FRMPD4: variants seen among roughly 807,000 people sequenced by gnomAD.
FRMPD4 encodes the protein FERM and PDZ domain-containing protein 4.
Under a neutral mutation model 94.1 loss-of-function variants are expected in FRMPD4, and 22 were observed. The observed-to-expected ratio is 0.23, with a 90% CI of 0.17 to 0.33. The LOEUF (loss-of-function observed/expected upper bound fraction) is 0.33. Among genes scored for constraint, FRMPD4 ranks in the 10% least tolerant of loss-of-function variants. The pLI is 1.00. For synonymous variants in FRMPD4, 631 were observed against 548.6 expected (o/e 1.15, Z -2.10); for missense variants, 1,111 against 1,339.9 (o/e 0.83, Z 2.67).
chrX:12,437,776 T>C (rs980063375), intron 1 of FRMPD4, among the ~76,000 whole-genome samples: 24 of 112,493 alleles, frequency 2.1e-4, no homozygotes, highest in African/African-American at 7.4e-4. Flanking sequence ...GAGGTTTTGC[T>C]ATGAAGTAGC....
At chrX:12,140,197 A>G (rs752562772) in intron 1 of FRMPD4, among the ~76,000 whole-genome samples, 4 of 112,121 alleles carry the variant, frequency 3.6e-5, no homozygotes, top group Admixed American at 1.9e-4. Context: ...TTCTACTAAC[A>G]TGGGTCAGTC....
chrX:12,453,444 TTA>T (rs1438803159), intron 1 of FRMPD4, among the ~76,000 whole-genome samples: 1 of 111,937 alleles, frequency 8.9e-6, no homozygotes, highest in African/African-American at 3.2e-5. Flanking sequence ...AGGAAAAAAA[TTA>T]TGTCTTCTTA....
intron 1 of FRMPD4, among the ~76,000 whole-genome samples, chrX:12,456,251 TTCTC>T (rs1272434566): frequency 4.5e-5 from 5 of 111,741 alleles, no homozygotes; most frequent in South Asian, 3.8e-4. Flanking sequence ...CTCCATCTCT[TTCTC>T]TCTCTCTTCT....
intron 1 of FRMPD4, among the ~76,000 whole-genome samples, chrX:12,179,664 G>A (rs2056335465): frequency 9.0e-6 from 1 of 111,620 alleles, no homozygotes; most frequent in Non-Finnish European, 1.9e-5. Flanking sequence ...ACACCAACGC[G>A]TGCAGAATGC....
intron 1 of FRMPD4, among the ~76,000 whole-genome samples, chrX:12,446,585 T>C (rs2057197842): frequency 1.3e-5 from 1 of 78,889 alleles, no homozygotes; most frequent in Admixed American, 1.4e-4. Context: ...CTCCTACACT[T>C]CTCTTGTGGT....
At chrX:12,510,051 CAAT>C (rs1254815757) in intron 2 of FRMPD4, among the ~76,000 whole-genome samples, 1 of 111,848 alleles carries the variant, frequency 8.9e-6, no homozygotes, top group Non-Finnish European at 1.9e-5. Context: ...CATTATACAA[CAAT>C]GTGTTTGGAC....
At chrX:12,242,345 T>TA (rs918098527) in intron 1 of FRMPD4, among the ~76,000 whole-genome samples, 57 of 107,445 alleles carry the variant, frequency 5.3e-4, no homozygotes, top group African/African-American at 8.4e-4. Flanking sequence ...TGACCTGTTC[T>TA]AAAAAAAAAA....
rs780253288 is a variant in FRMPD4 at position 12,198,908 on chromosome X, G to A, written c.41+59896G>A. On this transcript the variant is annotated intron_variant, in intron 1 of 16. Transcript: ENST00000675598. Reference sequence around the variant, plus strand: ...TTTGAACTCTGTTGAATGAACACGAGGTTTTATAAATGTAAGATACAACAT... The same window carrying A: ...TTTGAACTCTGTTGAATGAACACGAAGTTTTATAAATGTAAGATACAACAT... Among the ~76,000 whole-genome samples the A allele has an allele frequency of 2.7e-5, 3 of 112,367 alleles. No homozygotes were observed. The South Asian group carries it at 1.1e-3, about 42-fold the overall frequency.
At chrX:12,414,427 CAGTT>C (rs1333492983) in intron 1 of FRMPD4, among the ~76,000 whole-genome samples, 1 of 112,583 alleles carries the variant, frequency 8.9e-6, no homozygotes, top group Non-Finnish European at 1.9e-5. Flanking sequence ...TTCTTAGCCT[CAGTT>C]AATTTATTTT....
At chrX:12,571,874 T>C (rs762557626) in intron 2 of FRMPD4, among the ~76,000 whole-genome samples, 25 of 112,695 alleles carry the variant, frequency 2.2e-4, no homozygotes, top group Middle Eastern at 4.6e-3. Flanking sequence ...GGTCATTTTA[T>C]GTGGTCAGCA....
intron 3 of FRMPD4, among the ~76,000 whole-genome samples, chrX:12,039,992 A>G (rs2407664): frequency 3.7e-4 from 35 of 95,503 alleles, no homozygotes; most frequent in Non-Finnish European, 6.9e-4. Context: ...AAAGAAAAAA[A>G]AAGAAAAAAG....
intron 1 of FRMPD4, among the ~76,000 whole-genome samples, chrX:12,408,079 T>C (rs1434852640): frequency 1.8e-5 from 2 of 108,530 alleles, no homozygotes; most frequent in African/African-American, 6.7e-5. Context: ...ACGGAAGCCA[T>C]GTCTGTGTCT....
chrX:12,498,535 A>G, intron 1 of FRMPD4, 145 bp from the exon 2 acceptor site: 1 of 536,720 alleles, frequency 1.9e-6, no homozygotes, highest in Non-Finnish European at 3.4e-6. Context: ...AAATTGTAAA[A>G]GATAATGTGT....
intron 3 of FRMPD4, among the ~76,000 whole-genome samples, chrX:12,037,102 A>G (rs150401222): frequency 4.9e-4 from 55 of 111,761 alleles, no homozygotes; most frequent in African/African-American, 1.7e-3. Flanking sequence ...GAAAAGCTGT[A>G]TCGTGTCTTT....
chrX:12,218,150 TAA>T (rs2056827609), intron 1 of FRMPD4, among the ~76,000 whole-genome samples: 1 of 111,972 alleles, frequency 8.9e-6, no homozygotes, highest in Non-Finnish European at 1.9e-5. Context: ...ATGAAAAAAA[TAA>T]GAGATCAAGA....
intron 10 of FRMPD4, among the ~76,000 whole-genome samples, chrX:12,702,776 G>A (rs946140527): frequency 5.3e-5 from 6 of 112,396 alleles, no homozygotes; most frequent in African/African-American, 1.9e-4. Context: ...CTGTTGACAT[G>A]TAGGGACAAA....
At chrX:12,555,496 G>A (rs1354809997) in intron 2 of FRMPD4, among the ~76,000 whole-genome samples, 1 of 112,032 alleles carries the variant, frequency 8.9e-6, no homozygotes, top group Non-Finnish European at 1.9e-5. Flanking sequence ...AAAATATATT[G>A]TGGATAGCTT....
In FRMPD4 at chrX:12,025,769, C is replaced by T. The variant is rs777032129; in HGVS notation, c.95+147751C>T. On this transcript the variant is annotated intron_variant, in intron 3 of 18. Transcript: ENST00000640291. ...ACCATTTGATTGTTAAAGGACTGGA[C>T]TCTGCCAATGACTACAGGAGTGTGA... Among the ~76,000 whole-genome samples the T allele has an allele frequency of 6.3e-5, 7 of 111,580 alleles. No homozygotes were observed. The South Asian group carries it at 1.9e-3, about 30-fold the overall frequency.
At chrX:12,465,108 G>C (rs775637791) in intron 1 of FRMPD4, among the ~76,000 whole-genome samples, 1 of 111,463 alleles carries the variant, frequency 9.0e-6, no homozygotes, top group Non-Finnish European at 1.9e-5. Context: ...ATTATGGACA[G>C]CATTTTTTTT....
Sources: allele counts gnomAD v4.1 joint callset (sites outside exome capture counted in the v4.1 genomes callset), GRCh38; gene constraint gnomAD v4.1.1; transcripts MANE v1.5; gene names NCBI Gene and HGNC (gene_info 2026-07-23, HGNC 2026-07-21).